NRF1: variants seen among roughly 807,000 people sequenced by gnomAD.
NRF1 encodes the protein alpha palindromic-binding protein.
NRF1 carries 5 observed loss-of-function variants against 58.5 expected under a neutral mutation model. The observed-to-expected ratio is 0.09, with a 90% CI of 0.04 to 0.18. NRF1 has a LOEUF of 0.18. Ranked by LOEUF, NRF1 falls within the 10% of genes least tolerant of loss-of-function variation. NRF1 has a pLI of 1.00. For missense variants in NRF1, 288 were observed against 657.7 expected, an observed-to-expected ratio of 0.44 and a Z score of 6.15; for synonymous variants, 224 against 246.7, an observed-to-expected ratio of 0.91 and a Z score of 0.86.
At chr7:129,655,695 T>G (rs2151074813) in intron 1 of NRF1, among the ~76,000 whole-genome samples, 1 of 152,278 alleles carries the variant, frequency 6.6e-6, no homozygotes, top group African/African-American at 2.4e-5. Context: ...CTAATTTTTA[T>G]ATTTTTAGTA....
intron 5 of NRF1, among the ~76,000 whole-genome samples, chr7:129,700,185 T>C (rs1802788703): frequency 1.3e-5 from 2 of 152,006 alleles, no homozygotes; most frequent in Admixed American, 6.6e-5. Flanking sequence ...TTATACAACA[T>C]TGTGAACATA....
intron 10 of NRF1, among the ~76,000 whole-genome samples, chr7:129,729,860 CAG>C (rs1170803350): frequency 1.2e-4 from 18 of 152,294 alleles, no homozygotes; most frequent in African/African-American, 2.6e-4. Context: ...TTTTTTGAGA[CAG>C]AGTCTTGCTC....
At chr7:129,714,882 A>C (rs1215757316) in intron 8 of NRF1, among the ~76,000 whole-genome samples, 1 of 152,202 alleles carries the variant, frequency 6.6e-6, no homozygotes, top group African/African-American at 2.4e-5. Context: ...ACAAGCAGGC[A>C]CAAGGTAACT....
At chr7:129,660,862 T>C (rs1167640631) in intron 2 of NRF1, among the ~76,000 whole-genome samples, 1 of 151,062 alleles carries the variant, frequency 6.6e-6, no homozygotes, top group Non-Finnish European at 1.5e-5. Context: ...GAAGGGACTC[T>C]GTGTGAGGTC....
intron 1 of NRF1, among the ~76,000 whole-genome samples, chr7:129,617,303 C>A (rs1287594883): frequency 1.3e-5 from 2 of 152,078 alleles, no homozygotes; most frequent in Non-Finnish European, 2.9e-5. Context: ...CGTTTTGTTG[C>A]TGCTACTGAA....
At chr7:129,676,309 G>A (rs1194742668) in intron 3 of NRF1, among the ~76,000 whole-genome samples, 4 of 152,196 alleles carry the variant, frequency 2.6e-5, no homozygotes, top group African/African-American at 9.7e-5. Context: ...TGGCATAAGC[G>A]GCCTTGCTGT....
intron 1 of NRF1, among the ~76,000 whole-genome samples, chr7:129,646,953 T>C (rs1801419392): frequency 6.6e-6 from 1 of 152,178 alleles, no homozygotes; most frequent in African/African-American, 2.4e-5. Flanking sequence ...CCCACAATCA[T>C]TTATCAAAGA....
intron 1 of NRF1, among the ~76,000 whole-genome samples, chr7:129,643,856 G>A (rs1297428545): frequency 6.6e-6 from 1 of 152,206 alleles, no homozygotes; most frequent in African/African-American, 2.4e-5. Flanking sequence ...AAATGGCAGT[G>A]TAAAGAAAGA....
intron 9 of NRF1, among the ~76,000 whole-genome samples, chr7:129,718,282 A>C (rs1388494223): frequency 6.6e-6 from 1 of 152,192 alleles, no homozygotes; most frequent in African/African-American, 2.4e-5. Context: ...TTTGAAGCCC[A>C]GCTCTGTCAC....
intron 10 of NRF1, among the ~76,000 whole-genome samples, chr7:129,730,528 G>A (rs758858216): frequency 3.9e-5 from 6 of 152,212 alleles, no homozygotes; most frequent in Non-Finnish European, 5.9e-5. Context: ...ATATCATTCA[G>A]TTCTGAAGTA....
Position 129,755,309 on chromosome 7 carries a change from TA to T in NRF1, c.*132del. The stretch of plus-strand genomic sequence containing the variant: ...AAAGTTTTGTTAACCTTTTTTTTTT[TA>T]AAAGGAAGAAAGCGGATTTTGGAAT... On this transcript the variant is annotated 3_prime_UTR_variant, in exon 11 of 11. Transcript: ENST00000393232. This position sits in a 1 kb window ranked among gnomAD's most constrained non-coding sequence, Gnocchi z 5.8. The T allele has an allele frequency of 5.1e-6, 4 of 782,162 alleles. No individual in the cohort carries two copies. Among genetic ancestry groups the T allele is most frequent in the African/African-American group, 1.8e-5 (1 of 54,852 alleles). The allele number at this position is 782,162 out of a possible 1,614,324, so 48.5% of individuals were successfully genotyped here.
chr7:129,651,736 G>A (rs1801541224), intron 1 of NRF1, among the ~76,000 whole-genome samples: 1 of 152,040 alleles, frequency 6.6e-6, no homozygotes, highest in South Asian at 2.1e-4. Context: ...GCATTTTAAT[G>A]GTATCTTTCT....
At chr7:129,643,587 C>T (rs753026858) in intron 1 of NRF1, among the ~76,000 whole-genome samples, 10 of 152,186 alleles carry the variant, frequency 6.6e-5, no homozygotes, top group Non-Finnish European at 1.2e-4. Context: ...ACTTCCTATT[C>T]ACCATCTTTC....
intron 4 of NRF1, among the ~76,000 whole-genome samples, chr7:129,688,445 A>T (rs1490388956): frequency 6.6e-6 from 1 of 152,144 alleles, no homozygotes; most frequent in African/African-American, 2.4e-5. Context: ...TAATATGATC[A>T]TTCTTCCTAT....
chr7:129,683,181 G>T (rs1802361507), intron 4 of NRF1, among the ~76,000 whole-genome samples: 1 of 152,010 alleles, frequency 6.6e-6, no homozygotes, highest in Non-Finnish European at 1.5e-5. Context: ...GGGATTATAG[G>T]TGTGAGCCAC....
At chr7:129,685,064 C>T (rs1802413215) in intron 4 of NRF1, among the ~76,000 whole-genome samples, 1 of 152,160 alleles carries the variant, frequency 6.6e-6, no homozygotes. Flanking sequence ...CTCTTTGTTA[C>T]ATACCTCAGA....
intron 10 of NRF1, among the ~76,000 whole-genome samples, chr7:129,736,174 C>G (rs1584684646): frequency 6.6e-6 from 1 of 152,092 alleles, no homozygotes; most frequent in South Asian, 2.1e-4. Flanking sequence ...ACTAGACAAT[C>G]TTCACCTTTT....
At chr7:129,656,945 CTT>C (rs1198005541) in intron 1 of NRF1, among the ~76,000 whole-genome samples, 1 of 152,178 alleles carries the variant, frequency 6.6e-6, no homozygotes, top group South Asian at 2.1e-4. Context: ...TCTCACTCGT[CTT>C]TGACATACAA....
intron 1 of NRF1, among the ~76,000 whole-genome samples, chr7:129,632,326 AC>A (rs1801068116): frequency 6.6e-6 from 1 of 152,148 alleles, no homozygotes; most frequent in South Asian, 2.1e-4. Flanking sequence ...TTTACTCAGT[AC>A]TATAACCCCA....
Sources: gnomAD v4.1 joint callset for allele counts (sites outside exome capture counted in the v4.1 genomes callset) on GRCh38, gnomAD v4.1.1 for gene constraint, Gnocchi (gnomAD v3.1) non-coding constraint, MANE v1.5 for transcripts, NCBI Gene and HGNC (gene_info 2026-07-23, HGNC 2026-07-21) for gene names.